Variants in FRMD5 observed in about 807,000 individuals in gnomAD.
FRMD5 encodes the protein FERM domain-containing protein 5.
Under a neutral mutation model 69.0 loss-of-function variants are expected in FRMD5, and 20 were observed. The ratio of observed to expected loss-of-function variants is 0.29; its 90% CI spans 0.20 to 0.42. The LOEUF (loss-of-function observed/expected upper bound fraction) is 0.42. FRMD5 is among the 10% of genes least tolerant of loss of function. The pLI is 1.00. For synonymous variants in FRMD5, 271 were observed against 260.1 expected (o/e 1.04, Z -0.40); for missense variants, 595 against 708.6 (o/e 0.84, Z 1.82).
In FRMD5 at chr15:44,147,169, G is replaced by T. The variant is rs141296090; in HGVS notation, c.102+47784C>A. 2.0e-5 allele frequency among the ~76,000 whole-genome samples: 3 copies of T among 152,238 alleles called. No individual in the cohort carries two copies. In the East Asian group the frequency reaches 5.8e-4, roughly 29 times the overall value. ...TCATCTTGAGTTAATTTTTGTATAA[G>T]GTGTAAGGTCAGGGTCCGGTTTCGA... is the stretch of plus-strand genomic sequence containing the variant. On this transcript the variant is annotated intron_variant, in intron 1 of 13. Transcript: ENST00000417257.
intron 1 of FRMD5, among the ~76,000 whole-genome samples, chr15:44,097,626 C>T (rs1595716983): frequency 6.6e-6 from 1 of 152,168 alleles, no homozygotes; most frequent in Non-Finnish European, 1.5e-5. Flanking sequence ...CAAATATATA[C>T]ACACACAGAA....
intron 1 of FRMD5, among the ~76,000 whole-genome samples, chr15:43,980,169 C>T (rs2090526962): frequency 6.6e-6 from 1 of 152,148 alleles, no homozygotes; most frequent in African/African-American, 2.4e-5. Context: ...TATTCAGGCC[C>T]TATAAAGTAT....
intron 1 of FRMD5, among the ~76,000 whole-genome samples, chr15:43,931,841 G>A (rs2089681781): frequency 6.6e-6 from 1 of 152,120 alleles, no homozygotes; most frequent in Non-Finnish European, 1.5e-5. Context: ...TGCAGTCTGG[G>A]TGCAGTTTCC....
At chr15:44,157,034 A>G (rs1250980776) in intron 1 of FRMD5, among the ~76,000 whole-genome samples, 1 of 152,200 alleles carries the variant, frequency 6.6e-6, no homozygotes, top group Non-Finnish European at 1.5e-5. Context: ...AGTTTTTCAT[A>G]CTACATCCTT....
At chr15:44,079,063 A>G (rs139257787) in intron 1 of FRMD5, among the ~76,000 whole-genome samples, 102 of 152,268 alleles carry the variant, frequency 6.7e-4, no homozygotes, top group African/African-American at 2.4e-3. Flanking sequence ...AACTCCTATA[A>G]CCCAATAACA....
rs556747921 is a variant in FRMD5, at chr15:43,924,330, A to G, written c.103-21T>C. ...TCTCTCTGCAAAGAAAGAAAACTCC[A>G]TTGAGAAATGAGTGGGTTTCTTCAG... On this transcript the variant is annotated intron_variant, in intron 1 of 13. Transcript: ENST00000417257. 7 of 1,558,806 alleles carry G rather than the reference A, an allele frequency of 4.5e-6. No homozygotes were observed. The South Asian group carries it at 7.9e-5, about 18-fold the overall frequency.
At chr15:44,033,011 T>C (rs1595649780) in intron 1 of FRMD5, among the ~76,000 whole-genome samples, 2 of 152,128 alleles carry the variant, frequency 1.3e-5, no homozygotes, top group South Asian at 2.1e-4. Flanking sequence ...ATATACACCA[T>C]GGAATACTAT....
At chr15:44,120,887 A>C (rs1328103103) in intron 1 of FRMD5, among the ~76,000 whole-genome samples, 1 of 152,070 alleles carries the variant, frequency 6.6e-6, no homozygotes, top group East Asian at 1.9e-4. Context: ...TGCTGGAATG[A>C]ACCCAAGTAG....
At chr15:44,127,473 A>G (rs1595496066) in intron 1 of FRMD5, among the ~76,000 whole-genome samples, 1 of 152,278 alleles carries the variant, frequency 6.6e-6, no homozygotes, top group Middle Eastern at 3.4e-3. Context: ...TCATTTCAGA[A>G]ACTGAAAAGC....
At chr15:44,057,596 G>C (rs560159932) in intron 1 of FRMD5, among the ~76,000 whole-genome samples, 23 of 152,080 alleles carry the variant, frequency 1.5e-4, no homozygotes, top group African/African-American at 5.3e-4. Flanking sequence ...TTCTGAAATT[G>C]TACCACCAAA....
In FRMD5 at chr15:44,122,049, A is replaced by G. The variant is rs142628602; in HGVS notation, c.102+72904T>C. Among the ~76,000 whole-genome samples, 64 of 152,088 alleles carry G rather than the reference A, an allele frequency of 4.2e-4. 2 individuals are homozygous for G. The East Asian group carries it at 0.012, about 29-fold the overall frequency. ...TACTTTTCACTGTAACACATGAAAT[A>G]TATTTATTCAAATCACATTCCTAAA... is the stretch of plus-strand genomic sequence containing the variant. On this transcript the variant is annotated intron_variant, in intron 1 of 13. Transcript: ENST00000417257.
intron 1 of FRMD5, among the ~76,000 whole-genome samples, chr15:44,087,496 T>C (rs1279123741): frequency 6.6e-6 from 1 of 152,102 alleles, no homozygotes; most frequent in Non-Finnish European, 1.5e-5. Flanking sequence ...TCTAGTGCAG[T>C]AGTTTAAAGT....
At chr15:44,050,112 A>T (rs1275485654) in intron 1 of FRMD5, among the ~76,000 whole-genome samples, 1 of 152,184 alleles carries the variant, frequency 6.6e-6, no homozygotes, top group Non-Finnish European at 1.5e-5. Context: ...GATTAATATA[A>T]ACCATATCTT....
At chr15:43,897,772 C>T (rs1356014916) in intron 7 of FRMD5, among the ~76,000 whole-genome samples, 1 of 152,158 alleles carries the variant, frequency 6.6e-6, no homozygotes. Context: ...CCACCCAAAT[C>T]TGATGTGGAA....
At chr15:44,158,981 G>A (rs1027566761) in intron 1 of FRMD5, among the ~76,000 whole-genome samples, 2 of 152,154 alleles carry the variant, frequency 1.3e-5, no homozygotes, top group Admixed American at 6.5e-5. Context: ...CAAAAAAAAT[G>A]AGCACCTAAC....
intron 1 of FRMD5, among the ~76,000 whole-genome samples, chr15:44,130,057 T>C (rs915225741): frequency 1.3e-5 from 2 of 152,206 alleles, no homozygotes; most frequent in African/African-American, 2.4e-5. Flanking sequence ...GATGCTGGGA[T>C]GGTTTGCACC....
At chr15:44,158,426 CCTT>C (rs2077560282) in intron 1 of FRMD5, among the ~76,000 whole-genome samples, 1 of 152,150 alleles carries the variant, frequency 6.6e-6, no homozygotes, top group African/African-American at 2.4e-5. Context: ...ACTTCCAGTT[CCTT>C]CTTTCTTTTG....
Position 44,054,344 on chromosome 15 carries a change from C to T in FRMD5, c.103-130035G>A, listed in dbSNP as rs149589251. ...TCCTATTATCTTCCCTGCAATCGTC[C>T]GCTCTCCAGAGCCATTTGGAACAAC... On this transcript the variant is annotated intron_variant, in intron 1 of 13. Coordinates refer to ENST00000417257, the MANE Select transcript of FRMD5 (RefSeq NM_032892.5). 1.3e-3 allele frequency among the ~76,000 whole-genome samples: 191 copies of T among 152,272 alleles called. 4 individuals are homozygous for T. In the East Asian group the frequency reaches 0.031, roughly 25 times the overall value.
At position 43,873,712 on chromosome 15, in the gene FRMD5, A is replaced by G. The variant is rs1444666692; in HGVS notation, c.*173T>C. On this transcript the variant is annotated 3_prime_UTR_variant, in exon 14 of 14. Transcript: ENST00000417257. The stretch of plus-strand genomic sequence containing the variant: ...TCCCAGTTTGTTTAGACAGGGCATG[A>G]GCCTATCCCTTTCTTCTTCTGGGAA... 6.6e-7 allele frequency: 1 copy of G among 1,515,458 alleles called. No individual in the cohort carries two copies. Among genetic ancestry groups the G allele is most frequent in the East Asian group, 2.5e-5 (1 of 40,686 alleles). The allele number at this position is 1,515,458 out of a possible 1,614,324, so 93.9% of individuals were successfully genotyped here.
Sources: allele counts gnomAD v4.1 joint callset (sites outside exome capture counted in the v4.1 genomes callset), GRCh38; gene constraint gnomAD v4.1.1; transcripts MANE v1.5; gene names NCBI Gene and HGNC (gene_info 2026-07-23, HGNC 2026-07-21).